Variants in SLC8A1 observed in about 807,000 individuals in gnomAD.
SLC8A1 encodes the protein sodium/calcium exchanger 1.
Under a neutral mutation model 68.3 loss-of-function variants are expected in SLC8A1, and 18 were observed. The ratio of observed to expected loss-of-function variants is 0.26; its 90% CI spans 0.18 to 0.39. SLC8A1 has a LOEUF of 0.39. Ranked by LOEUF, SLC8A1 falls within the 10% of genes least tolerant of loss-of-function variation. The probability of loss-of-function intolerance (pLI) is 1.00; values close to 1 mark genes in which losing one functional copy is unlikely to be tolerated. For synonymous variants in SLC8A1, 475 were observed against 415.5 expected, an observed-to-expected ratio of 1.14 and a Z score of -1.74; for missense variants, 985 against 1,156.7, an observed-to-expected ratio of 0.85 and a Z score of 2.15.
At chr2:40,339,188 T>C (rs895374329) in intron 2 of SLC8A1, among the ~76,000 whole-genome samples, 4 of 152,220 alleles carry the variant, frequency 2.6e-5, no homozygotes, top group African/African-American at 9.6e-5. Flanking sequence ...ATTGAAATGA[T>C]AGGTTATTCA....
At chr2:40,451,292 C>T (rs1426084389) in intron 1 of SLC8A1, among the ~76,000 whole-genome samples, 1 of 152,144 alleles carries the variant, frequency 6.6e-6, no homozygotes, top group Non-Finnish European at 1.5e-5. Context: ...TGCCCAGAGA[C>T]GTGGACCCCG....
At chr2:40,328,631 C>T (rs1411694079) in intron 2 of SLC8A1, among the ~76,000 whole-genome samples, 1 of 152,154 alleles carries the variant, frequency 6.6e-6, no homozygotes, top group African/African-American at 2.4e-5. Flanking sequence ...AACTAGATAT[C>T]CCAAACTGAA....
intron 2 of SLC8A1, chr2:40,250,450 A>G (rs1468696368): frequency 6.6e-6 from 1 of 152,160 alleles, no homozygotes; most frequent in African/African-American, 2.4e-5. Flanking sequence ...GCACTTTACA[A>G]CAGAAATGAT....
upstream of SLC8A1, among the ~76,000 whole-genome samples, chr2:40,452,272 C>A (rs1042159121): frequency 3.4e-4 from 52 of 151,412 alleles, no homozygotes; most frequent in Middle Eastern, 3.4e-3. Flanking sequence ...CCCGGGGCCC[C>A]CTGCGCGCCC....
At chr2:40,170,784 A>G (rs1437501496) in intron 4 of SLC8A1, among the ~76,000 whole-genome samples, 1 of 152,218 alleles carries the variant, frequency 6.6e-6, no homozygotes, top group African/African-American at 2.4e-5. Flanking sequence ...TAAGTCAACC[A>G]TTATAGAAAT....
chr2:40,487,797 C>T (rs748728328), intron 1 of SLC8A1, among the ~76,000 whole-genome samples: 1 of 152,120 alleles, frequency 6.6e-6, no homozygotes, highest in Non-Finnish European at 1.5e-5. Context: ...CTGAAAAGGC[C>T]AAGCTGGGTT....
chr2:40,216,194 C>G (rs891641235), intron 2 of SLC8A1, among the ~76,000 whole-genome samples: 1 of 152,026 alleles, frequency 6.6e-6, no homozygotes, highest in Non-Finnish European at 1.5e-5. Flanking sequence ...GTGGTGTTCC[C>G]CCTCCCTGTG....
At chr2:40,305,841 AAATAT>A (rs1414621522) in intron 2 of SLC8A1, among the ~76,000 whole-genome samples, 1 of 152,218 alleles carries the variant, frequency 6.6e-6, no homozygotes, top group African/African-American at 2.4e-5. Flanking sequence ...CACTTAAAAT[AAATAT>A]ATTTTGTGAA....
At chr2:40,500,547 A>C (rs1705987930) in intron 1 of SLC8A1, among the ~76,000 whole-genome samples, 1 of 151,990 alleles carries the variant, frequency 6.6e-6, no homozygotes, top group East Asian at 1.9e-4. Context: ...TTATAAATCT[A>C]ATATTTGGGG....
intron 2 of SLC8A1, among the ~76,000 whole-genome samples, chr2:40,183,161 T>C (rs1204335653): frequency 6.6e-6 from 1 of 152,164 alleles, no homozygotes; most frequent in Admixed American, 6.5e-5. Context: ...TCAGAGAAGT[T>C]GGTAACTTCC....
chr2:40,239,851 C>G (rs2060971438), intron 2 of SLC8A1, among the ~76,000 whole-genome samples: 1 of 152,182 alleles, frequency 6.6e-6, no homozygotes, highest in African/African-American at 2.4e-5. Context: ...GTATGTATCT[C>G]CTCACTAAAT....
intron 1 of SLC8A1, among the ~76,000 whole-genome samples, chr2:40,473,746 T>C (rs1001686768): frequency 6.6e-6 from 1 of 152,142 alleles, no homozygotes; most frequent in South Asian, 2.1e-4. Flanking sequence ...AATGGACTTA[T>C]ATTTTTTTCT....
At chr2:40,253,279 CGTATATATGT>C (rs1445354977) in intron 2 of SLC8A1, among the ~76,000 whole-genome samples, 1 of 149,046 alleles carries the variant, frequency 6.7e-6, no homozygotes, top group South Asian at 2.1e-4. Context: ...GTACATATGA[CGTATATATGT>C]GTATATACAC....
intron 2 of SLC8A1, among the ~76,000 whole-genome samples, chr2:40,272,610 G>A (rs2066184680): frequency 6.6e-6 from 1 of 152,192 alleles, no homozygotes; most frequent in Admixed American, 6.5e-5. Context: ...CTGTTGAGAA[G>A]CTCGCATGAG....
At chr2:40,347,467 T>C (rs1259581935) in intron 2 of SLC8A1, among the ~76,000 whole-genome samples, 1 of 152,208 alleles carries the variant, frequency 6.6e-6, no homozygotes, top group Admixed American at 6.5e-5. Context: ...TTGAGCTCAA[T>C]GCCTGGCTTC....
intron 7 of SLC8A1, 106 bp from the exon 11 acceptor site, chr2:40,115,735 C>T: frequency 2.1e-6 from 3 of 1,416,214 alleles, no homozygotes; most frequent in Non-Finnish European, 2.8e-6. Flanking sequence ...TTAATATAAA[C>T]CCAGTGACCA....
At chr2:40,338,774 T>C (rs966593650) in intron 2 of SLC8A1, among the ~76,000 whole-genome samples, 2 of 152,230 alleles carry the variant, frequency 1.3e-5, no homozygotes, top group African/African-American at 2.4e-5. Flanking sequence ...AATTTCCTAA[T>C]AGATCCTGAA....
intron 2 of SLC8A1, among the ~76,000 whole-genome samples, chr2:40,278,489 A>AACAAT (rs1238399166): frequency 6.6e-6 from 1 of 151,980 alleles, no homozygotes; most frequent in Non-Finnish European, 1.5e-5. Context: ...AACAAAACAA[A>AACAAT]ACAAAACAAA....
At chr2:40,148,755 AAAC>A (rs2042910455) in intron 6 of SLC8A1, among the ~76,000 whole-genome samples, 1 of 152,224 alleles carries the variant, frequency 6.6e-6, no homozygotes, top group Non-Finnish European at 1.5e-5. Context: ...GGAAAGGTAT[AAAC>A]AAGATTTTTA....
Sources: gnomAD v4.1 joint callset for allele counts (sites outside exome capture counted in the v4.1 genomes callset) on GRCh38, gnomAD v4.1.1 for gene constraint, MANE v1.5 for transcripts, NCBI Gene and HGNC (gene_info 2026-07-23, HGNC 2026-07-21) for gene names.